Variants in SLC26A3 observed in about 807,000 individuals in gnomAD.
The protein encoded by SLC26A3 is chloride anion exchanger.
In SLC26A3, 64 loss-of-function variants were observed where a neutral mutation model predicts 85.6. That is an observed-to-expected ratio of 0.75 (90% CI 0.61 to 0.92). The LOEUF (loss-of-function observed/expected upper bound fraction) is 0.92. Ranked by LOEUF, SLC26A3 falls within the 40% of genes least tolerant of loss-of-function variation. SLC26A3 has a pLI of 0.00. For synonymous variants in SLC26A3, 349 were observed against 336.0 expected (o/e 1.04, Z -0.42); for missense variants, 922 against 927.3 (o/e 0.99, Z 0.07).
intron 1 of SLC26A3, among the ~76,000 whole-genome samples, chr7:107,797,155 A>C (rs909848694): frequency 1.3e-5 from 2 of 152,134 alleles, no homozygotes; most frequent in African/African-American, 4.8e-5. Flanking sequence ...ATACCCAAGC[A>C]CTGCCTGCAA....
chr7:107,769,316 T>C (rs112771057), intron 18 of SLC26A3, among the ~76,000 whole-genome samples: 7,613 of 152,124 alleles, frequency 0.05, 604 homozygotes, highest in African/African-American at 0.17. Flanking sequence ...AGCAAAGACA[T>C]GGACTCAAAT....
chr7:107,791,101 T>G lies in SLC26A3; in HGVS notation c.517A>C (p.Arg173=). The G allele has an allele frequency of 6.2e-7, 1 of 1,614,142 alleles. No homozygotes were observed. Among genetic ancestry groups the G allele is most frequent in the Non-Finnish European group, 8.5e-7 (1 of 1,180,028 alleles). Residue 173 remains arginine (R), a synonymous_variant, in exon 5 of 21, where the codon AGG becomes CGG. Coordinates refer to ENST00000340010, the MANE Select transcript of SLC26A3 (RefSeq NM_000111.3). ...SNNSSLLDDE[R]VRVAAAASVT... The stretch of plus-strand genomic sequence containing the variant: ...GATGCCGCCGCCGCCACCCTCACCC[T>G]CTCGTCATCCAGTAGTGAAGAATTA...
At chr7:107,783,125 G>T in intron 9 of SLC26A3, 32 bp from the exon 10 acceptor site, 1 of 1,612,762 alleles carries the variant, frequency 6.2e-7, no homozygotes, top group Middle Eastern at 1.7e-4. Context: ...ACCTTTTTCA[G>T]AAGTGGCACC....
rs530744146 is a variant in SLC26A3, at chr7:107,786,316, G to A, written c.971+511C>T. 8.2e-4 allele frequency among the ~76,000 whole-genome samples: 125 copies of A among 152,024 alleles called. 2 individuals are homozygous for A. The highest frequency in any genetic ancestry group is 1.2e-3 in the Admixed American group (18 of 15,272). ...TTTACTTTGCCTATTTTTCTTTATG[G>A]TATTATTTATATATTTTTAAAAAAA... On this transcript the variant is annotated intron_variant, in intron 8 of 20. Transcript: ENST00000340010.
intron 8 of SLC26A3, among the ~76,000 whole-genome samples, chr7:107,784,764 G>T (rs1350032137): frequency 6.6e-6 from 1 of 152,114 alleles, no homozygotes; most frequent in East Asian, 1.9e-4. Flanking sequence ...TAGTGGGAGG[G>T]TCAAATAATA....
intron 5 of SLC26A3, 40 bp from the exon 6 acceptor site, chr7:107,789,728 A>C: frequency 6.3e-7 from 1 of 1,589,312 alleles, no homozygotes; most frequent in African/African-American, 1.3e-5. Context: ...ATAGATTAGG[A>C]GTATACCTCA....
At chr7:107,775,844 C>G (rs540020734) in intron 15 of SLC26A3, among the ~76,000 whole-genome samples, 1 of 152,036 alleles carries the variant, frequency 6.6e-6, no homozygotes, top group African/African-American at 2.4e-5. Flanking sequence ...ACAAAAAACT[C>G]GGTAGAAAAA....
At chr7:107,798,369 C>T (rs547033390) in intron 1 of SLC26A3, among the ~76,000 whole-genome samples, 69 of 152,148 alleles carry the variant, frequency 4.5e-4, no homozygotes, top group African/African-American at 1.6e-3. Flanking sequence ...CATACCTCCC[C>T]ACCACTTCAA....
chr7:107,802,766 A>T (rs1794620370), intron 1 of SLC26A3, among the ~76,000 whole-genome samples: 1 of 129,080 alleles, frequency 7.7e-6, no homozygotes, highest in Non-Finnish European at 1.6e-5. Context: ...TTTTTTGCCA[A>T]CCCTCAGAGC....
At chr7:107,788,162 G>T (rs1794329331) in intron 6 of SLC26A3, among the ~76,000 whole-genome samples, 1 of 152,122 alleles carries the variant, frequency 6.6e-6, no homozygotes, top group South Asian at 2.1e-4. Context: ...GAGAGTGTTG[G>T]TTCCAATTTG....
Position 107,787,504 on chromosome 7 carries a change from T to C in SLC26A3, c.741A>G (p.Leu247=), listed in dbSNP as rs188437289. 7.7e-5 allele frequency: 124 copies of C among 1,613,072 alleles called. No individual in the cohort carries two copies. In the East Asian group the frequency reaches 2.6e-3, roughly 34 times the overall value. ...HTDPVSIFKV[L]YSVFSQIEKT... ...TCTCTATTTGTGAGAATACAGAGTA[T>C]AGTACCTACAATTATAAAAACAAAA... Residue 247 remains leucine, a synonymous_variant, in exon 7 of 21, where the codon CTA becomes CTG. Coordinates refer to ENST00000340010, the MANE Select transcript of SLC26A3 (RefSeq NM_000111.3).
chr7:107,778,309 A>G, intron 12 of SLC26A3, 28 bp from the exon 13 acceptor site: 2 of 1,346,368 alleles, frequency 1.5e-6, no homozygotes, highest in Non-Finnish European at 2.1e-6. Flanking sequence ...CACATACACT[A>G]CAATTTACTT....
chr7:107,792,295 T>G (rs1338747599), intron 3 of SLC26A3, among the ~76,000 whole-genome samples: 1 of 152,164 alleles, frequency 6.6e-6, no homozygotes, highest in African/African-American at 2.4e-5. Flanking sequence ...ACATTTTTTG[T>G]GCACTTTATT....
intron 13 of SLC26A3, 140 bp downstream of exon 13, chr7:107,778,035 G>T (rs1422432528): frequency 2.5e-5 from 18 of 708,928 alleles, no homozygotes. Flanking sequence ...AGCAACTGGA[G>T]GGAGGATAAA....
chr7:107,799,044 A>G lies in SLC26A3; in HGVS notation c.-89+4067T>C, dbSNP rs1289537135. On this transcript the variant is annotated intron_variant, in intron 1 of 20. Transcript: ENST00000340010. ...TCACAAAAAGCTCCACATTCTGGTT[A>G]GCGTGAGGCTGGATAGAAGCAGGGA... Among the ~76,000 whole-genome samples the G allele has an allele frequency of 4.6e-5, 7 of 152,196 alleles. No individual in the cohort carries two copies. The East Asian group carries it at 1.3e-3, about 29-fold the overall frequency.
Position 107,776,461 on chromosome 7 carries a change from A to G in SLC26A3, c.1668T>C (p.Leu556=), listed in dbSNP as rs373684245. The change falls in exon 15 of 21, where the codon CTT becomes CTC. Residue 556 remains leucine (L), a synonymous_variant. Transcript: ENST00000340010. ...FANIGFFRRK[L]IDAVGFSPLR... is the part of the protein sequence containing the mutation. ...TAACCCCAAACCTTACAGCATCGAT[A>G]AGTTTCCGCCTAAAGAAACCAATGT... 2.5e-6 allele frequency: 4 copies of G among 1,613,048 alleles called. No homozygotes were observed. The African/African-American group carries it at 5.3e-5, about 22-fold the overall frequency.
intron 17 of SLC26A3, among the ~76,000 whole-genome samples, chr7:107,772,762 G>A (rs1794047085): frequency 6.6e-6 from 1 of 151,586 alleles, no homozygotes; most frequent in African/African-American, 2.4e-5. Flanking sequence ...AAAAATAAAT[G>A]TGTGTGTGTG....
At chr7:107,793,687 C>A in intron 3 of SLC26A3, 55 bp downstream of exon 3, 1 of 1,344,748 alleles carries the variant, frequency 7.4e-7, no homozygotes, top group Non-Finnish European at 1.0e-6. Flanking sequence ...CTGAGCTGTA[C>A]ACATTCAGAG....
chr7:107,793,942 T>C (rs1794450891), intron 2 of SLC26A3, 61 bp from the exon 3 acceptor site: 1 of 1,609,250 alleles, frequency 6.2e-7, no homozygotes, highest in Admixed American at 1.7e-5. Flanking sequence ...TTAGTACCTG[T>C]CGGTGGGAAA....
Sources: allele counts gnomAD v4.1 joint callset (sites outside exome capture counted in the v4.1 genomes callset), GRCh38; gene constraint gnomAD v4.1.1; transcripts MANE v1.5; gene names NCBI Gene and HGNC (gene_info 2026-07-23, HGNC 2026-07-21).